Variants in NRG1 observed in about 807,000 individuals in gnomAD.
The protein encoded by NRG1 is pro-neuregulin-1, membrane-bound isoform.
A neutral mutation model predicts 63.8 loss-of-function variants in NRG1; 18 were observed. That is an observed-to-expected ratio of 0.28 (90% CI 0.19 to 0.42). The LOEUF is 0.42. NRG1 is among the 10% of genes least tolerant of loss of function. The pLI is 1.00. For missense variants in NRG1, 762 were observed against 814.7 expected, an observed-to-expected ratio of 0.94 and a Z score of 0.79; for synonymous variants, 302 against 301.3, an observed-to-expected ratio of 1.00 and a Z score of -0.02.
At chr8:31,652,924 C>A (rs1403538388) in intron 1 of NRG1, among the ~76,000 whole-genome samples, 2 of 135,828 alleles carry the variant, frequency 1.5e-5, no homozygotes, top group African/African-American at 2.8e-5. Flanking sequence ...CCCTTCCTCC[C>A]TCCCTCCCTC....
chr8:32,430,537 G>GAT (rs1427162178), intron 1 of NRG1, among the ~76,000 whole-genome samples: 1 of 152,132 alleles, frequency 6.6e-6, no homozygotes, highest in Non-Finnish European at 1.5e-5. Flanking sequence ...ATTCCATTCA[G>GAT]ACTTAGGCCT....
intron 1 of NRG1, among the ~76,000 whole-genome samples, chr8:31,657,699 G>T (rs535404254): frequency 1.3e-5 from 2 of 152,276 alleles, no homozygotes; most frequent in East Asian, 3.9e-4. Flanking sequence ...TTCTATTATG[G>T]CTGAACATGT....
chr8:32,161,007 C>T (rs898733704), intron 1 of NRG1, among the ~76,000 whole-genome samples: 3 of 152,074 alleles, frequency 2.0e-5, no homozygotes, highest in African/African-American at 7.2e-5. Context: ...GAAAATTGAT[C>T]ATATATGTAT....
downstream of NRG1, among the ~76,000 whole-genome samples, chr8:32,768,521 G>A (rs565623424): frequency 6.6e-6 from 1 of 152,098 alleles, no homozygotes; most frequent in Non-Finnish European, 1.5e-5. Flanking sequence ...GGCCAAGTTA[G>A]GTTCATTCCC....
intron 1 of NRG1, among the ~76,000 whole-genome samples, chr8:32,101,317 CAATCT>C: frequency 6.6e-6 from 1 of 152,214 alleles, no homozygotes; most frequent in South Asian, 2.1e-4. Context: ...AGTTTCAAGG[CAATCT>C]TCCACTCAGG....
intron 5 of NRG1, among the ~76,000 whole-genome samples, chr8:32,685,975 T>G (rs549762488): frequency 4.8e-4 from 73 of 152,384 alleles, no homozygotes; most frequent in Non-Finnish European, 5.4e-4. Context: ...ATACGTAGCT[T>G]TCTCTATAAT....
intron 1 of NRG1, among the ~76,000 whole-genome samples, chr8:32,280,706 T>G (rs1294310049): frequency 3.5e-5 from 5 of 143,506 alleles, no homozygotes; most frequent in South Asian, 2.2e-4. Context: ...TTTTTTTTTT[T>G]TTTTTTTTCA....
intron 1 of NRG1, among the ~76,000 whole-genome samples, chr8:32,233,107 T>C (rs189842619): frequency 6.0e-4 from 92 of 152,208 alleles, no homozygotes; most frequent in Non-Finnish European, 1.2e-3. Flanking sequence ...TTATTAGTAG[T>C]AGTAGTATTT....
chr8:32,559,672 G>A (rs1835973594), intron 1 of NRG1, among the ~76,000 whole-genome samples: 1 of 151,928 alleles, frequency 6.6e-6, no homozygotes, highest in Admixed American at 6.6e-5. Context: ...TCTTTTTAAA[G>A]AATTACTTTT....
chr8:31,971,578 A>G (rs574535132), intron 1 of NRG1, among the ~76,000 whole-genome samples: 28 of 152,332 alleles, frequency 1.8e-4, no homozygotes, highest in African/African-American at 6.7e-4. Context: ...TGGAAAATGT[A>G]AGATAATGTG....
At chr8:31,691,362 C>G (rs1390162954) in intron 1 of NRG1, among the ~76,000 whole-genome samples, 1 of 152,012 alleles carries the variant, frequency 6.6e-6, no homozygotes, top group Non-Finnish European at 1.5e-5. Context: ...AATCCCAGCA[C>G]TTTGGGAGGC....
intron 1 of NRG1, chr8:32,441,372 A>G (rs1819522993): frequency 6.6e-6 from 1 of 152,056 alleles, no homozygotes; most frequent in South Asian, 2.1e-4. Flanking sequence ...ATACCTGGGA[A>G]CGTGCTAGCC....
chr8:31,749,944 A>G (rs1446650497), intron 1 of NRG1, among the ~76,000 whole-genome samples: 2 of 151,832 alleles, frequency 1.3e-5, no homozygotes, highest in East Asian at 1.9e-4. Context: ...TGAAGACTAC[A>G]TAGATGAGTT....
At chr8:32,161,856 A>G (rs895732665) in intron 1 of NRG1, among the ~76,000 whole-genome samples, 4 of 152,230 alleles carry the variant, frequency 2.6e-5, no homozygotes, top group Non-Finnish European at 4.4e-5. Flanking sequence ...AAGCATGTAC[A>G]TACAATTCCT....
chr8:32,536,603 C>G lies in NRG1; in HGVS notation c.38-59225C>G, dbSNP rs116208501. ...CATACAGCATGTGTGTACCAGGGGA[C>G]AGGAGTCTTGGGAGTCATCTTAGAA... On this transcript the variant is annotated intron_variant, in intron 1 of 10. Coordinates refer to the NRG1 transcript ENST00000519301. Among the ~76,000 whole-genome samples, 574 of 152,138 alleles carry G rather than the reference C, an allele frequency of 3.8e-3. 2 individuals carry two copies. The highest frequency in any genetic ancestry group is 0.013 in the African/African-American group (549 of 41,528).
chr8:31,857,640 G>A (rs554149129), intron 1 of NRG1, among the ~76,000 whole-genome samples: 24 of 152,116 alleles, frequency 1.6e-4, no homozygotes, highest in African/African-American at 2.4e-4. Context: ...CTTCAAGAGC[G>A]GGAATACATT....
chr8:32,100,594 CAGTT>C (rs1563786946), intron 1 of NRG1, among the ~76,000 whole-genome samples: 1 of 151,338 alleles, frequency 6.6e-6, no homozygotes, highest in African/African-American at 2.4e-5. Flanking sequence ...TATTTACAGA[CAGTT>C]CATGGCTTTA....
At chr8:32,451,466 C>T (rs1022008822) in intron 1 of NRG1, among the ~76,000 whole-genome samples, 4 of 152,268 alleles carry the variant, frequency 2.6e-5, no homozygotes, top group East Asian at 1.9e-4. Flanking sequence ...CCTTTTTCCC[C>T]GGGGAGGGGG....
intron 1 of NRG1, among the ~76,000 whole-genome samples, chr8:32,350,021 A>C (rs1805396706): frequency 6.6e-6 from 1 of 152,156 alleles, no homozygotes; most frequent in South Asian, 2.1e-4. Flanking sequence ...ATGGGATCAA[A>C]CATTCCAACA....
Sources: gnomAD v4.1 joint callset for allele counts (sites outside exome capture counted in the v4.1 genomes callset) on GRCh38, gnomAD v4.1.1 for gene constraint, MANE v1.5 for transcripts, NCBI Gene and HGNC (gene_info 2026-07-23, HGNC 2026-07-21) for gene names.